RGS3: variants seen among roughly 807,000 people sequenced by gnomAD.
RGS3 encodes regulator of G-protein signalling 3.
RGS3 carries 80 observed loss-of-function variants against 132.6 expected under a neutral mutation model. The ratio of observed to expected loss-of-function variants is 0.60; its 90% CI spans 0.50 to 0.73. The LOEUF (loss-of-function observed/expected upper bound fraction) is 0.73. RGS3 is among the 30% of genes least tolerant of loss of function. RGS3 has a pLI of 0.00. For synonymous variants in RGS3, 598 were observed against 620.6 expected, an observed-to-expected ratio of 0.96 and a Z score of 0.54; for missense variants, 1,382 against 1,530.8, an observed-to-expected ratio of 0.90 and a Z score of 1.62.
intron 7 of RGS3, among the ~76,000 whole-genome samples, chr9:113,487,607 C>T (rs1045152910): frequency 6.6e-6 from 1 of 152,020 alleles, no homozygotes; most frequent in Admixed American, 6.6e-5. Context: ...CATGGGTGGA[C>T]AGGTGAAAGG....
chr9:113,497,427 T>A (rs2119279490), intron 9 of RGS3, 23 bp downstream of exon 7: 1 of 1,601,084 alleles, frequency 6.2e-7, no homozygotes, highest in East Asian at 2.2e-5. Context: ...CCCCTTCAGC[T>A]TCCCTTCCCA....
At chr9:113,456,520 TC>T (rs1332016810), upstream of RGS3, among the ~76,000 whole-genome samples, 2 of 152,204 alleles carry the variant, frequency 1.3e-5, no homozygotes, top group East Asian at 3.8e-4. Flanking sequence ...TCTATCTCTT[TC>T]CATCCCTATT....
At chr9:113,468,518 A>G (rs1163457367) in intron 3 of RGS3, among the ~76,000 whole-genome samples, 1 of 152,170 alleles carries the variant, frequency 6.6e-6, no homozygotes, top group Non-Finnish European at 1.5e-5. Context: ...TTTCAAGATC[A>G]TTTTGGCTGT....
chr9:113,466,977 T>C (rs999841807), intron 3 of RGS3, among the ~76,000 whole-genome samples: 1 of 152,244 alleles, frequency 6.6e-6, no homozygotes, highest in African/African-American at 2.4e-5. Context: ...ATCGTATTTT[T>C]TTTTTTATGA....
exon 2 of RGS3, chr9:113,461,768 T>C: frequency 1.2e-6 from 2 of 1,614,164 alleles, no homozygotes; most frequent in Non-Finnish European, 1.7e-6. Context: ...TCCTGAGTGT[T>C]GTACCTGCAG....
Position 113,506,701 on chromosome 9 carries a change from A to G in RGS3, c.1085+208A>G, listed in dbSNP as rs1327058096. 1.3e-5 allele frequency among the ~76,000 whole-genome samples: 2 copies of G among 152,190 alleles called. No homozygotes were observed. Among genetic ancestry groups the G allele is most frequent in the Non-Finnish European group, 2.9e-5 (2 of 68,026 alleles). On this transcript the variant is annotated intron_variant, in intron 12 of 24. Transcript: ENST00000350696. This position sits in a 1 kb window ranked among gnomAD's most constrained non-coding sequence, Gnocchi z 4.7. ...AGAGCACTTTTGGATTCCAGAGCAA[A>G]CAGCAGGGAAGATGCTCTCAGACTC...
chr9:113,521,837 A>G (rs1436828184), intron 16 of RGS3, among the ~76,000 whole-genome samples: 4 of 152,228 alleles, frequency 2.6e-5, no homozygotes. Flanking sequence ...TGTCACCAAC[A>G]GTCCAACACA....
chr9:113,474,361 A>G (rs531167236), intron 3 of RGS3, among the ~76,000 whole-genome samples: 31 of 152,156 alleles, frequency 2.0e-4, no homozygotes, highest in Non-Finnish European at 2.8e-4. Flanking sequence ...GCCATGGGAA[A>G]TTCTCCTGGG....
chr9:113,564,616 G>A (rs756700387), intron 19 of RGS3, among the ~76,000 whole-genome samples: 5 of 152,324 alleles, frequency 3.3e-5, no homozygotes, highest in Middle Eastern at 3.4e-3. Flanking sequence ...CCTTGGGGAT[G>A]TCTCTGTCAT....
rs979856800 is a variant in RGS3, at chr9:113,487,272, C to T, written c.689+1579C>T. Among the ~76,000 whole-genome samples the T allele has an allele frequency of 4.4e-4, 67 of 151,218 alleles. 1 individual carries two copies. The highest frequency in any genetic ancestry group is 2.1e-3 in the South Asian group (10 of 4,740). ...GACTACAGGCGCCCGCCACCGCGCC[C>T]GGCTAATTTTTTGTATTTTTAGTAG... On this transcript the variant is annotated intron_variant, in intron 7 of 24. Coordinates refer to ENST00000350696, the Ensembl canonical transcript of RGS3.
rs575710112 is a variant in RGS3, at chr9:113,537,252, A to T, written c.2037+334A>T. 6.6e-6 allele frequency among the ~76,000 whole-genome samples: 1 copy of T among 152,348 alleles called. No individual in the cohort carries two copies. Among genetic ancestry groups the T allele is most frequent in the Admixed American group, 6.5e-5 (1 of 15,306 alleles). On this transcript the variant is annotated intron_variant, in intron 19 of 24. Transcript: ENST00000350696. The surrounding 1 kb of genome is among the most constrained non-coding windows in gnomAD (Gnocchi z 4.3). Reference sequence around the variant, plus strand: ...TGCCTGGCATGCGTTCACCTCTGCCATTGGGTAGCCTGTGCCTGGGGGCAG... The same window carrying T: ...TGCCTGGCATGCGTTCACCTCTGCCTTTGGGTAGCCTGTGCCTGGGGGCAG...
chr9:113,480,463 A>C (rs961469788), intron 4 of RGS3, among the ~76,000 whole-genome samples: 1 of 151,432 alleles, frequency 6.6e-6, no homozygotes, highest in African/African-American at 2.4e-5. Context: ...CGTCTCAAAA[A>C]AAAAAAAAAA....
In RGS3 at chr9:113,577,541, C is replaced by T. The variant is rs540863248; in HGVS notation, c.2038-5909C>T. On this transcript the variant is annotated intron_variant, in intron 19 of 24. Transcript: ENST00000350696. ...CATTAGAGGAGGAATGATGGACTTG[C>T]GGGGAGATCACACATTCAGTGTAGG... Among the ~76,000 whole-genome samples, 9 of 152,162 alleles carry T rather than the reference C, an allele frequency of 5.9e-5. No individual in the cohort carries two copies. The East Asian group carries it at 1.5e-3, about 26-fold the overall frequency.
rs1287748602 is a variant in RGS3, at chr9:113,565,202, C to T, written c.2038-18248C>T. On this transcript the variant is annotated intron_variant, in intron 19 of 24. Transcript: ENST00000350696. This position sits in a 1 kb window ranked among gnomAD's most constrained non-coding sequence, Gnocchi z 5.7. ...ACCCGGGAGCCAGCTGGGCCCCTCG[C>T]GGGGTGGGCAGAAGGACGGGCTGGC... The T allele has an allele frequency of 8.8e-6, 11 of 1,248,960 alleles. No individual in the cohort carries two copies. In the East Asian group the frequency reaches 3.4e-4, roughly 39 times the overall value. 77.4% of individuals were successfully genotyped at this position (1,248,960 alleles called of 1,614,324 possible). A position where few individuals can be genotyped will look rare whatever the true frequency, so the allele number is the denominator to read the frequency against.
exon 25 of RGS3, chr9:113,596,851 G>A (rs1245789289): frequency 6.2e-7 from 1 of 1,613,746 alleles, no homozygotes; most frequent in East Asian, 2.2e-5. Flanking sequence ...TGGCACAGAA[G>A]CGCATCTTCG....
At chr9:113,567,656 G>A (rs1044043528) in intron 19 of RGS3, among the ~76,000 whole-genome samples, 7 of 152,164 alleles carry the variant, frequency 4.6e-5, no homozygotes, top group South Asian at 2.1e-4. Context: ...TCATCCTGGC[G>A]GAGACCATAG....
At chr9:113,457,778 T>G (rs902980326), upstream of RGS3, among the ~76,000 whole-genome samples, 2 of 151,924 alleles carry the variant, frequency 1.3e-5, no homozygotes, top group African/African-American at 4.8e-5. Context: ...GTGGGCCAGA[T>G]TTTTTTTTCT....
At chr9:113,483,631 G>A (rs964913989) in intron 5 of RGS3, among the ~76,000 whole-genome samples, 1 of 152,218 alleles carries the variant, frequency 6.6e-6, no homozygotes, top group Non-Finnish European at 1.5e-5. Context: ...GGGGTTCCAG[G>A]TGCTGGCCCT....
chr9:113,567,783 A>G (rs1222714841), intron 19 of RGS3, among the ~76,000 whole-genome samples: 1 of 152,232 alleles, frequency 6.6e-6, no homozygotes, highest in East Asian at 1.9e-4. Context: ...GGACCTTTGC[A>G]CAGACTACAG....
Sources: allele counts gnomAD v4.1 joint callset (sites outside exome capture counted in the v4.1 genomes callset), GRCh38; gene constraint gnomAD v4.1.1; non-coding constraint Gnocchi (gnomAD v3.1); transcripts MANE v1.5; gene names NCBI Gene and HGNC (gene_info 2026-07-23, HGNC 2026-07-21).